Variants in GLIS3 observed in about 807,000 individuals in gnomAD.
GLIS3 encodes the protein GLIS family zinc finger 3.
Under a neutral mutation model 78.6 loss-of-function variants are expected in GLIS3, and 53 were observed. That is an observed-to-expected ratio of 0.67 (90% CI 0.54 to 0.85). The LOEUF is 0.85. GLIS3 is among the 40% of genes least tolerant of loss of function. GLIS3 has a pLI of 0.00. For missense variants in GLIS3, 1,703 were observed against 1,231.1 expected, an observed-to-expected ratio of 1.38 and a Z score of -5.74; for synonymous variants, 684 against 509.9, an observed-to-expected ratio of 1.34 and a Z score of -4.60.
intron 4 of GLIS3, among the ~76,000 whole-genome samples, chr9:4,033,988 G>A (rs7859408): frequency 0.33 from 50,286 of 151,584 alleles, 8,933 homozygotes; most frequent in South Asian, 0.4. Context: ...TTGGGAGGCT[G>A]AGGCAGGAGG....
chr9:4,405,342 G>A, the GLIS3 span, among the ~76,000 whole-genome samples: 5 of 144,756 alleles, frequency 3.5e-5, no homozygotes, highest in Non-Finnish European at 6.0e-5. Context: ...CAGTAAGAGC[G>A]AAACTCCATC....
At chr9:4,120,528 G>C (rs1473362605) in intron 3 of GLIS3, among the ~76,000 whole-genome samples, 1 of 152,144 alleles carries the variant, frequency 6.6e-6, no homozygotes, top group East Asian at 1.9e-4. Flanking sequence ...GCAGCATGTG[G>C]CTCTTCCTGC....
chr9:3,886,876 C>T (rs1822114020), intron 7 of GLIS3, among the ~76,000 whole-genome samples: 1 of 152,192 alleles, frequency 6.6e-6, no homozygotes. Flanking sequence ...GAGGCCTCAG[C>T]TAATCTTAGC....
intron 4 of GLIS3, among the ~76,000 whole-genome samples, chr9:4,036,906 G>T (rs536309194): frequency 1.8e-4 from 28 of 152,234 alleles, no homozygotes; most frequent in Non-Finnish European, 3.5e-4. Context: ...CAGTAGAGGG[G>T]CTAAAAATAA....
intron 2 of GLIS3, among the ~76,000 whole-genome samples, chr9:4,192,016 G>C (rs1480766827): frequency 1.3e-5 from 2 of 152,090 alleles, no homozygotes; most frequent in African/African-American, 2.4e-5. Flanking sequence ...CTTTACATTT[G>C]ATTCTCAAAA....
chr9:4,198,789 A>G (rs1440234407), intron 2 of GLIS3, among the ~76,000 whole-genome samples: 1 of 152,216 alleles, frequency 6.6e-6, no homozygotes, highest in African/African-American at 2.4e-5. Context: ...ATGCTACAGA[A>G]AAAATCTTGA....
intron 4 of GLIS3, chr9:4,305,780 G>C (rs553767899): frequency 2.6e-5 from 4 of 152,126 alleles, no homozygotes; most frequent in Admixed American, 6.5e-5. Context: ...AAGTGAAACT[G>C]TCTCCCTCTC....
chr9:3,904,300 A>G (rs1035207817), intron 6 of GLIS3, among the ~76,000 whole-genome samples: 2 of 152,200 alleles, frequency 1.3e-5, no homozygotes, highest in African/African-American at 4.8e-5. Context: ...CAATCAGTGA[A>G]AAGCCTGAAG....
chr9:4,353,145 G>A (rs933229161), upstream of GLIS3, among the ~76,000 whole-genome samples: 10 of 152,088 alleles, frequency 6.6e-5, no homozygotes, highest in Admixed American at 3.3e-4. Flanking sequence ...CTGTTGCTCT[G>A]AGACTCTGAG....
At chr9:4,087,932 G>T (rs1223027790) in intron 4 of GLIS3, among the ~76,000 whole-genome samples, 1 of 152,078 alleles carries the variant, frequency 6.6e-6, no homozygotes, top group African/African-American at 2.4e-5. Context: ...TCGCATTATG[G>T]TTAGTTATGT....
chr9:4,015,573 A>G (rs184841732), intron 4 of GLIS3, among the ~76,000 whole-genome samples: 2 of 152,272 alleles, frequency 1.3e-5, no homozygotes, highest in Admixed American at 6.5e-5. Flanking sequence ...CTTGTCTACA[A>G]AAGAAGTTCA....
intron 9 of GLIS3, among the ~76,000 whole-genome samples, chr9:3,839,637 G>A (rs7858236): frequency 0.17 from 25,651 of 151,390 alleles, 2,373 homozygotes; most frequent in South Asian, 0.27. Flanking sequence ...AAATCCTCAT[G>A]GCTACCATGT....
chr9:3,962,219 CA>C (rs570317956), intron 4 of GLIS3, among the ~76,000 whole-genome samples: 2 of 147,808 alleles, frequency 1.4e-5, no homozygotes, highest in East Asian at 2.0e-4. Context: ...GGCCTTGTTT[CA>C]AAAAAAAAGG....
chr9:4,066,851 CACTT>C (rs764789336), intron 4 of GLIS3, among the ~76,000 whole-genome samples: 1 of 152,190 alleles, frequency 6.6e-6, no homozygotes, highest in Non-Finnish European at 1.5e-5. Flanking sequence ...CGCCCAGTGG[CACTT>C]ACGGTGCAAC....
intron 2 of GLIS3, among the ~76,000 whole-genome samples, chr9:4,223,196 C>T (rs1290670913): frequency 1.3e-5 from 2 of 152,146 alleles, no homozygotes; most frequent in Non-Finnish European, 2.9e-5. Flanking sequence ...ATTGAACATC[C>T]GCACTGCCTC....
At chr9:4,214,532 C>G (rs556531651) in intron 2 of GLIS3, among the ~76,000 whole-genome samples, 1 of 152,294 alleles carries the variant, frequency 6.6e-6, no homozygotes, top group South Asian at 2.1e-4. Context: ...GGTGTCTGCC[C>G]TCCCCAAGCT....
chr9:4,263,435 T>C (rs1370629380), intron 2 of GLIS3, among the ~76,000 whole-genome samples: 1 of 152,174 alleles, frequency 6.6e-6, no homozygotes, highest in Non-Finnish European at 1.5e-5. Flanking sequence ...GTATGTTTTA[T>C]TGATAATCAT....
chr9:4,439,344 G>A, the GLIS3 span, among the ~76,000 whole-genome samples: 1 of 152,066 alleles, frequency 6.6e-6, no homozygotes, highest in African/African-American at 2.4e-5. Context: ...CCATCTCCAC[G>A]ATCAATTTTA....
At chr9:4,464,012 G>T in the GLIS3 span, among the ~76,000 whole-genome samples, 1 of 152,210 alleles carries the variant, frequency 6.6e-6, no homozygotes, top group African/African-American at 2.4e-5. Flanking sequence ...TCTTAGAGAT[G>T]ATGCAATCTA....
Sources: gnomAD v4.1 joint callset for allele counts (sites outside exome capture counted in the v4.1 genomes callset) on GRCh38, gnomAD v4.1.1 for gene constraint, MANE v1.5 for transcripts, NCBI Gene and HGNC (gene_info 2026-07-23, HGNC 2026-07-21) for gene names.